Variants in SFMBT2 observed in about 807,000 individuals in gnomAD.
The protein encoded by SFMBT2 is scm-like with four MBT domains protein 2.
SFMBT2 carries 38 observed loss-of-function variants against 110.1 expected under a neutral mutation model. That is an observed-to-expected ratio of 0.35 (90% CI 0.27 to 0.45). The LOEUF (loss-of-function observed/expected upper bound fraction) is 0.45, where lower values mean the gene tolerates loss of function less well. Ranked by LOEUF, SFMBT2 falls within the 20% of genes least tolerant of loss-of-function variation. The pLI, the probability that SFMBT2 is intolerant of heterozygous loss-of-function variation, is 1.00. For missense variants in SFMBT2, 1,011 were observed against 1,094.9 expected (o/e 0.92, Z 1.08); for synonymous variants, 425 against 425.4 (o/e 1.00, Z 0.01).
At position 7,172,592 on chromosome 10, in the gene SFMBT2, T is replaced by A. The variant is rs1377534554; in HGVS notation, c.2054A>T (p.His685Leu). ...PIGESNPDSG[H>L]PKPARRRKRR... Reference sequence around the variant, plus strand: ...CTTCCTCCGCCTGGCGGGTTTGGGGTGTCCGCTGTCGGGGTTGCTTTCCCC... The same window carrying A: ...CTTCCTCCGCCTGGCGGGTTTGGGGAGTCCGCTGTCGGGGTTGCTTTCCCC... Residue 685 changes from histidine to leucine, a missense_variant, in exon 18 of 21, where the codon CAC becomes CTC. By Grantham distance (99) the His-to-Leu change is moderately conservative (BLOSUM62 -3). Around this residue, in one of 2 missense-constraint regions of SFMBT2, gnomAD observed 979 missense variants for 1,016.1 expected, o/e 0.96. Transcript: ENST00000397167. The surrounding 1 kb of genome is among the most constrained non-coding windows in gnomAD (Gnocchi z 4.6). The A allele has an allele frequency of 1.2e-6, 2 of 1,614,066 alleles. No individual in the cohort carries two copies. The highest frequency in any genetic ancestry group is 2.7e-5 in the African/African-American group (2 of 74,922).
At position 7,172,657 on chromosome 10, in the gene SFMBT2, A is replaced by G. The variant is rs1168037132; in HGVS notation, c.1989T>C (p.Tyr663=). The G allele has an allele frequency of 6.2e-7, 1 of 1,613,260 alleles. No individual in the cohort carries two copies. Among genetic ancestry groups the G allele is most frequent in the South Asian group, 1.1e-5 (1 of 90,958 alleles). ...CSIHTKTKYT[Y]YYGKRKKISK... is the part of the protein sequence containing the mutation. The stretch of plus-strand genomic sequence containing the variant: ...AGATCTTCTTTCTCTTTCCATAGTA[A>G]TAGGCTGTAGGAAGGAAGATGAGAA... The change falls in exon 18 of 21, where the codon TAT becomes TAC. Residue 663 remains tyrosine, a synonymous_variant. Coordinates refer to ENST00000397167, the MANE Select transcript of SFMBT2 (RefSeq NM_001387889.1). The surrounding 1 kb of genome is among the most constrained non-coding windows in gnomAD (Gnocchi z 4.6).
intron 11 of SFMBT2, chr10:7,215,529 CTG>C (rs1839505832): frequency 1.0e-6 from 1 of 985,076 alleles, no homozygotes; most frequent in African/African-American, 1.7e-5. Flanking sequence ...TTATCCAACA[CTG>C]TACATGGGGG....
chr10:7,314,626 G>A (rs907968306), intron 4 of SFMBT2, among the ~76,000 whole-genome samples: 9 of 152,140 alleles, frequency 5.9e-5, no homozygotes, highest in South Asian at 2.1e-4. Context: ...AACCAGACCC[G>A]GCTGGGCACA....
Position 7,163,806 on chromosome 10 carries a change from T to C in SFMBT2, c.2649A>G (p.Arg883=). 1.2e-6 allele frequency: 2 copies of C among 1,614,110 alleles called. No homozygotes were observed. Among genetic ancestry groups the C allele is most frequent in the Non-Finnish European group, 1.7e-6 (2 of 1,180,004 alleles). ...ACTGGGCGTAGAAAGCCACTTTGAC[T>C]CTCTCGATCTGGTGGCATAACTTGA... ...PAIKLCHQIE[R]VKVAFYAQYA... The change falls in exon 21 of 21, where the codon AGA becomes AGG. Residue 883 remains arginine, a synonymous_variant. Transcript: ENST00000397167. The surrounding 1 kb of genome is among the most constrained non-coding windows in gnomAD (Gnocchi z 4.8).
At chr10:7,355,462 G>A (rs1474144434) in intron 4 of SFMBT2, among the ~76,000 whole-genome samples, 2 of 152,076 alleles carry the variant, frequency 1.3e-5, no homozygotes, top group East Asian at 3.8e-4. Flanking sequence ...CACGTCTAGG[G>A]TTCCAGATTC....
chr10:7,172,754 CA>C lies in SFMBT2; in HGVS notation c.1985-94del. The C allele has an allele frequency of 7.1e-7, 1 of 1,406,152 alleles. No individual in the cohort carries two copies. The allele number at this position is 1,406,152 out of a possible 1,614,324, so 87.1% of individuals were successfully genotyped here. On this transcript the variant is annotated intron_variant, in intron 17 of 20. Transcript: ENST00000397167. The surrounding 1 kb of genome is among the most constrained non-coding windows in gnomAD (Gnocchi z 4.6). The stretch of plus-strand genomic sequence containing the variant: ...AGAGAAAGAAGGGAAACGATTCTTT[CA>C]TCTGATAGTTCATTTGTGCCTTACG...
At chr10:7,169,126 C>G (rs1005020598) in intron 20 of SFMBT2, among the ~76,000 whole-genome samples, 8 of 152,114 alleles carry the variant, frequency 5.3e-5, no homozygotes, top group Admixed American at 5.2e-4. Context: ...CCACGCCCAG[C>G]TAATTTTTTT....
At chr10:7,286,797 C>A (rs1842104211) in intron 4 of SFMBT2, among the ~76,000 whole-genome samples, 1 of 152,114 alleles carries the variant, frequency 6.6e-6, no homozygotes, top group Non-Finnish European at 1.5e-5. Context: ...GACTGCACTG[C>A]AAATGGTCAC....
intron 4 of SFMBT2, among the ~76,000 whole-genome samples, chr10:7,319,835 A>C (rs111207979): frequency 6.6e-6 from 1 of 151,502 alleles, no homozygotes; most frequent in South Asian, 2.1e-4. Flanking sequence ...AGAGACAGAG[A>C]GGAAGACAGA....
Position 7,171,236 on chromosome 10 carries a change from A to G in SFMBT2, c.2416-180T>C, listed in dbSNP as rs574598577. Among the ~76,000 whole-genome samples the G allele has an allele frequency of 6.6e-6, 1 of 152,340 alleles. No homozygotes were observed. The highest frequency in any genetic ancestry group is 2.1e-4 in the South Asian group (1 of 4,828). The stretch of plus-strand genomic sequence containing the variant: ...CCCTGAGAAAGTTCTTGGCTCAGTG[A>G]TGATGCCCCCTGCAATGACTCATGT... On this transcript the variant is annotated intron_variant, in intron 19 of 20. Coordinates refer to ENST00000397167, the MANE Select transcript of SFMBT2 (RefSeq NM_001387889.1). The surrounding 1 kb of genome is among the most constrained non-coding windows in gnomAD (Gnocchi z 4.9).
rs1588762228 is a variant in SFMBT2 at position 7,171,953 on chromosome 10, G to A, written c.2357C>T (p.Ala786Val). 1 of 1,474,994 alleles carries A rather than the reference G, an allele frequency of 6.8e-7. No individual in the cohort carries two copies. The highest frequency in any genetic ancestry group is 2.5e-5 in the Admixed American group (1 of 40,396). The allele number at this position is 1,474,994 out of a possible 1,614,324, so 91.4% of individuals were successfully genotyped here. The change falls in exon 19 of 21, where the codon GCT (alanine) becomes GTT (valine). Residue 786 changes from alanine to valine, a missense_variant. Coordinates refer to ENST00000397167, the MANE Select transcript of SFMBT2 (RefSeq NM_001387889.1). The surrounding 1 kb of genome is among the most constrained non-coding windows in gnomAD (Gnocchi z 4.9). ...ERTRRGRGAP[A>V]ASSAEEGEKC... ...CTCCCCTTCCTCTGCTGAGGAGGCA[G>A]CCGGCGCCCCGCGGCCCCTTCGTGT... is the stretch of plus-strand genomic sequence containing the variant.
At chr10:7,338,914 G>T (rs537578725) in intron 4 of SFMBT2, among the ~76,000 whole-genome samples, 76 of 152,238 alleles carry the variant, frequency 5.0e-4, no homozygotes, top group African/African-American at 1.8e-3. Flanking sequence ...TCAGGTACAG[G>T]ACGCTTGCTT....
intron 4 of SFMBT2, 38 bp from the exon 5 acceptor site, chr10:7,285,992 A>C (rs1842075753): frequency 2.4e-6 from 2 of 840,616 alleles, no homozygotes; most frequent in Non-Finnish European, 4.2e-6. Context: ...AAAACAAAAC[A>C]AAAAAAACAC....
In SFMBT2 at chr10:7,226,071, C is replaced by T. The variant is rs942351226; in HGVS notation, c.1203+1784G>A. On this transcript the variant is annotated intron_variant, in intron 10 of 20. Coordinates refer to ENST00000397167, the MANE Select transcript of SFMBT2 (RefSeq NM_001387889.1). ...TCGGTTCTTCAAGATACAGAGAAAC[C>T]GCTCTTGTGCAAAGGCGACATCATT... Among the ~76,000 whole-genome samples the T allele has an allele frequency of 7.2e-5, 11 of 152,192 alleles. No individual in the cohort carries two copies. The South Asian group carries it at 1.4e-3, about 20-fold the overall frequency.
At chr10:7,340,501 G>C (rs1037966102) in intron 4 of SFMBT2, among the ~76,000 whole-genome samples, 1 of 151,832 alleles carries the variant, frequency 6.6e-6, no homozygotes, top group Non-Finnish European at 1.5e-5. Context: ...CATGCACTCT[G>C]CACTCTTCCC....
intron 1 of SFMBT2, among the ~76,000 whole-genome samples, chr10:7,407,871 C>T (rs990214126): frequency 2.6e-5 from 4 of 152,136 alleles, no homozygotes; most frequent in Non-Finnish European, 4.4e-5. Context: ...ACTCCCTCGG[C>T]TTTTCGCGCA....
chr10:7,328,452 A>C (rs749083188), intron 4 of SFMBT2, among the ~76,000 whole-genome samples: 5 of 152,166 alleles, frequency 3.3e-5, no homozygotes, highest in Non-Finnish European at 5.9e-5. Flanking sequence ...AGTGTCCTTC[A>C]CACAGGAAAT....
intron 6 of SFMBT2, among the ~76,000 whole-genome samples, chr10:7,282,830 C>A (rs1410821143): frequency 6.6e-6 from 1 of 152,074 alleles, no homozygotes; most frequent in Non-Finnish European, 1.5e-5. Flanking sequence ...AAGCAAAGAG[C>A]CATGTCCTTA....
intron 7 of SFMBT2, among the ~76,000 whole-genome samples, chr10:7,252,358 T>G (rs553029287): frequency 1.3e-5 from 2 of 152,208 alleles, no homozygotes; most frequent in South Asian, 2.1e-4. Flanking sequence ...GATAACCCTA[T>G]CCACTCAGGG....
Sources: allele counts gnomAD v4.1 joint callset (sites outside exome capture counted in the v4.1 genomes callset), GRCh38; gene constraint gnomAD v4.1.1; regional missense constraint gnomAD v4.1.1; non-coding constraint Gnocchi (gnomAD v3.1); transcripts MANE v1.5; gene names NCBI Gene and HGNC (gene_info 2026-07-23, HGNC 2026-07-21).